SEPTIN3: variants seen among roughly 807,000 people sequenced by gnomAD.
SEPTIN3 encodes septin 3, also known as neuronal-specific septin-3.
In SEPTIN3, 15 loss-of-function variants were observed where a neutral mutation model predicts 45.1. That is an observed-to-expected ratio of 0.33 (90% confidence interval 0.22 to 0.51). The LOEUF (loss-of-function observed/expected upper bound fraction) is 0.51, where lower values mean the gene tolerates loss of function less well. SEPTIN3 is among the 20% of genes least tolerant of loss of function. SEPTIN3 has a pLI of 0.97. For missense variants in SEPTIN3, 289 were observed against 457.2 expected, an observed-to-expected ratio of 0.63 and a Z score of 3.35; for synonymous variants, 148 against 164.8, an observed-to-expected ratio of 0.90 and a Z score of 0.78.
At chr22:41,989,486 G>GT in intron 6 of SEPTIN3, 81 bp from the exon 7 acceptor site, 1 of 892,594 alleles carries the variant, frequency 1.1e-6, no homozygotes, top group Non-Finnish European at 1.9e-6. Flanking sequence ...CTCTTCTCCT[G>GT]TGGGTGTCCT....
Position 41,994,376 on chromosome 22 carries a change from G to A in SEPTIN3, c.2411+35G>A. 7 of 1,609,998 alleles carry A rather than the reference G, an allele frequency of 4.3e-6. No individual in the cohort carries two copies. Among genetic ancestry groups the A allele is most frequent in the Non-Finnish European group, 5.9e-6 (7 of 1,176,632 alleles). ...CTCCCCTCCAGCTGTCCAGACAGCA[G>A]GTTGAATTATTTGGGGTCAGGGTCT... is the stretch of plus-strand genomic sequence containing the variant. On this transcript the variant is annotated intron_variant, in intron 10 of 11. Coordinates refer to ENST00000644076, the MANE Select transcript of SEPTIN3 (RefSeq NM_001363845.2). The surrounding 1 kb of genome is among the most constrained non-coding windows in gnomAD (Gnocchi z 4.2).
rs2077972877 is a variant in SEPTIN3, at chr22:41,972,844, C to T, written c.1352C>T (p.Thr451Ile). ...VTPDPATGKT[T>I]LGSVNNLTIS... ...CCAGACCCAGCCACTGGGAAGACCACACTGGGCAGTGTTAATAACCTAACC... is the reference window on the plus strand; with the variant it reads ...CCAGACCCAGCCACTGGGAAGACCATACTGGGCAGTGTTAATAACCTAACC... Residue 451 changes from threonine (T) to isoleucine (I), a missense_variant, in exon 2 of 12, where the codon ACA becomes ATA. By Grantham distance (89) the Thr-to-Ile change is moderately conservative. This residue lies in a region of SEPTIN3 where 200 missense variants were observed against 315.1 expected (regional missense o/e 0.63). Coordinates refer to ENST00000644076, the MANE Select transcript of SEPTIN3 (RefSeq NM_001363845.2). 1 of 399,232 alleles carries T rather than the reference C, an allele frequency of 2.5e-6. No homozygotes were observed. Among genetic ancestry groups the T allele is most frequent in the Admixed American group, 4.4e-5 (1 of 22,738 alleles). 24.7% of individuals were successfully genotyped at this position (399,232 alleles called of 1,614,324 possible).
At chr22:41,971,071 A>G (rs1222287559) in intron 1 of SEPTIN3, among the ~76,000 whole-genome samples, 1 of 152,138 alleles carries the variant, frequency 6.6e-6, no homozygotes, top group Non-Finnish European at 1.5e-5. Flanking sequence ...AGACGTCTCC[A>G]GTAAGCACTG....
Position 41,972,201 on chromosome 22 carries a change from G to T in SEPTIN3, c.709G>T (p.Ala237Ser), listed in dbSNP as rs1471239385. Residue 237 changes from alanine to serine, a missense_variant, in exon 2 of 12, where the codon GCC (alanine) becomes TCC (serine). Physicochemically the swap from Ala to Ser is moderately conservative, Grantham distance 99. Transcript: ENST00000644076. ...RASPGKGKPR[A>S]RGIPRPRGRL... is the part of the protein sequence containing the mutation. ...TTCTCCAGGAAAAGGCAAGCCCCGG[G>T]CCAGGGGGATCCCCAGACCCCGGGG... The T allele has an allele frequency of 2.5e-6, 1 of 399,026 alleles. No homozygotes were observed. The highest frequency in any genetic ancestry group is 2.1e-5 in the African/African-American group (1 of 48,634). 24.7% of individuals were successfully genotyped at this position (399,026 alleles called of 1,614,324 possible). A position where few individuals can be genotyped will look rare whatever the true frequency, so the allele number is the denominator to read the frequency against.
At chr22:41,985,756 A>C in intron 3 of SEPTIN3, 2 of 382,144 alleles carry the variant, frequency 5.2e-6, no homozygotes, top group Non-Finnish European at 9.6e-6. Flanking sequence ...GGCTCTGGGA[A>C]GGAGAGAATA....
intron 7 of SEPTIN3, among the ~76,000 whole-genome samples, chr22:41,990,274 T>C (rs2078284916): frequency 6.6e-6 from 1 of 151,500 alleles, no homozygotes; most frequent in East Asian, 2.0e-4. Context: ...TCGGCTAGTC[T>C]TGATCTCCTG....
chr22:41,995,583 A>G (rs2078419139), intron 11 of SEPTIN3: 13 of 985,278 alleles, frequency 1.3e-5, no homozygotes, highest in African/African-American at 7.0e-5. Flanking sequence ...TTTTAGATGA[A>G]TCTACTTTAG....
intron 7 of SEPTIN3, among the ~76,000 whole-genome samples, chr22:41,990,672 A>T (rs540163632): frequency 1.4e-5 from 2 of 143,934 alleles, no homozygotes; most frequent in Non-Finnish European, 3.0e-5. Context: ...CATGAACCCG[A>T]GAGGCGGCGC....
chr22:41,973,589 C>T (rs998069653), intron 2 of SEPTIN3, among the ~76,000 whole-genome samples: 69 of 151,236 alleles, frequency 4.6e-4, no homozygotes, highest in African/African-American at 1.5e-3. Flanking sequence ...AGGAGAATGG[C>T]GTGAACCCGG....
In SEPTIN3 at chr22:41,972,876, G is replaced by T; in HGVS notation, c.1384G>T (p.Asp462Tyr). The change falls in exon 2 of 12, where the codon GAC becomes TAC. Residue 462 changes from aspartate to tyrosine, a missense_variant. Asp to Tyr is a radical substitution (Grantham distance 160). Transcript: ENST00000644076. The stretch of plus-strand genomic sequence containing the variant: ...CAGTGTTAATAACCTAACCATATCA[G>T]ACGTTGCTACATGCCTGCTAATGCC... ...LGSVNNLTISDVATCLLMPSR... is the reference protein window; with the variant it reads ...LGSVNNLTISYVATCLLMPSR... The T allele has an allele frequency of 2.5e-6, 1 of 399,232 alleles. No individual in the cohort carries two copies. Among genetic ancestry groups the T allele is most frequent in the South Asian group, 1.3e-4 (1 of 7,856 alleles). The allele number at this position is 399,232 out of a possible 1,614,324, so 24.7% of individuals were successfully genotyped here. A position where few individuals can be genotyped will look rare whatever the true frequency, so the allele number is the denominator to read the frequency against.
At position 41,985,980 on chromosome 22, in the gene SEPTIN3, G is replaced by A. The variant is rs2078200513; in HGVS notation, c.1697-4G>A. On this transcript the variant is annotated splice_polypyrimidine_tract_variant and splice_region_variant and intron_variant, in intron 3 of 11. Transcript: ENST00000644076. The stretch of plus-strand genomic sequence containing the variant: ...CCCTACCTCCTCCTCCTGCTTTGCT[G>A]TAGGCCAGAGTGGACTGGGCAAATC... 5.0e-6 allele frequency: 8 copies of A among 1,604,706 alleles called. No homozygotes were observed. The highest frequency in any genetic ancestry group is 6.8e-6 in the Non-Finnish European group (8 of 1,175,408).
intron 2 of SEPTIN3, among the ~76,000 whole-genome samples, chr22:41,980,551 G>T (rs1344938475): frequency 1.3e-5 from 2 of 152,144 alleles, no homozygotes; most frequent in Non-Finnish European, 2.9e-5. Context: ...GTCTTCCCAA[G>T]TCCACAAAGC....
At position 41,994,421 on chromosome 22, in the gene SEPTIN3, C is replaced by T; in HGVS notation, c.2411+80C>T. 2 of 1,525,992 alleles carry T rather than the reference C, an allele frequency of 1.3e-6. No homozygotes were observed. The highest frequency in any genetic ancestry group is 1.1e-5 in the South Asian group (1 of 88,884). 94.5% of individuals were successfully genotyped at this position (1,525,992 alleles called of 1,614,324 possible). A position where few individuals can be genotyped will look rare whatever the true frequency, so the allele number is the denominator to read the frequency against. ...GGGTCTATCTGTTCAGATTCACCTC[C>T]TGCATCTCCAGGTCTCTCTGACAGA... is the stretch of plus-strand genomic sequence containing the variant. On this transcript the variant is annotated intron_variant, in intron 10 of 11. Transcript: ENST00000644076. This position sits in a 1 kb window ranked among gnomAD's most constrained non-coding sequence, Gnocchi z 4.2.
At position 41,972,134 on chromosome 22, in the gene SEPTIN3, G is replaced by A. The variant is rs1383433039; in HGVS notation, c.642G>A (p.Gln214=). ...TTGCAGAGCCAGGCTCGTTGGGCCA[G>A]GGGCACCTTGTCTCAGTGACTGACC... The part of the protein sequence containing the change: ...PVLAEPGSLG[Q]GHLVSVTDHM... The change falls in exon 2 of 12, where the codon CAG becomes CAA. Residue 214 remains glutamine, a synonymous_variant. Transcript: ENST00000644076. 3 of 399,048 alleles carry A rather than the reference G, an allele frequency of 7.5e-6. No individual in the cohort carries two copies. Among genetic ancestry groups the A allele is most frequent in the Non-Finnish European group, 1.3e-5 (3 of 226,158 alleles). The allele number at this position is 399,048 out of a possible 1,614,324, so 24.7% of individuals were successfully genotyped here. A position where few individuals can be genotyped will look rare whatever the true frequency, so the allele number is the denominator to read the frequency against.
At position 41,981,850 on chromosome 22, in the gene SEPTIN3, T is replaced by C; in HGVS notation, c.1696+14T>C. On this transcript the variant is annotated intron_variant, in intron 3 of 11. Transcript: ENST00000644076. Reference sequence around the variant, plus strand: ...TCATGGTCGTTGGTACGGAAGGCTGTGGGGCTGCTGCAGGCCTGGTGGCGG... The same window carrying C: ...TCATGGTCGTTGGTACGGAAGGCTGCGGGGCTGCTGCAGGCCTGGTGGCGG... 1 of 1,610,130 alleles carries C rather than the reference T, an allele frequency of 6.2e-7. No individual in the cohort carries two copies. Among genetic ancestry groups the C allele is most frequent in the Non-Finnish European group, 8.5e-7 (1 of 1,177,342 alleles).
At chr22:41,991,806 G>A in intron 8 of SEPTIN3, 138 bp downstream of exon 8, 1 of 690,990 alleles carries the variant, frequency 1.4e-6, no homozygotes, top group Non-Finnish European at 2.6e-6. Flanking sequence ...AGTGACATAG[G>A]GGGATGGGGA....
At position 41,985,995 on chromosome 22, in the gene SEPTIN3, C is replaced by T. The variant is rs2078200944; in HGVS notation, c.1708C>T (p.Leu570=). 1.2e-6 allele frequency: 2 copies of T among 1,610,174 alleles called. No individual in the cohort carries two copies. Among genetic ancestry groups the T allele is most frequent in the Non-Finnish European group, 8.5e-7 (1 of 1,178,106 alleles). ...CTGCTTTGCTGTAGGCCAGAGTGGA[C>T]TGGGCAAATCAACGCTGGTCAACAC... The part of the protein sequence containing the change: ...FNIMVVGQSG[L]GKSTLVNTLF... Residue 570 remains leucine (L), a synonymous_variant, in exon 4 of 12, where the codon CTG becomes TTG. Transcript: ENST00000644076.
At chr22:41,990,475 G>A (rs1369969490) in intron 7 of SEPTIN3, among the ~76,000 whole-genome samples, 3 of 151,766 alleles carry the variant, frequency 2.0e-5, no homozygotes, top group African/African-American at 7.3e-5. Context: ...GTTGGGCGTG[G>A]TGGCTCATGC....
chr22:41,983,886 G>A (rs944405749), intron 3 of SEPTIN3, among the ~76,000 whole-genome samples: 7 of 152,162 alleles, frequency 4.6e-5, no homozygotes, highest in Non-Finnish European at 8.8e-5. Flanking sequence ...TTGAGGGTAA[G>A]GATCATGTTT....
Sources: gnomAD v4.1 joint callset for allele counts (sites outside exome capture counted in the v4.1 genomes callset) on GRCh38, gnomAD v4.1.1 for gene constraint, gnomAD v4.1.1 regional missense constraint, Gnocchi (gnomAD v3.1) non-coding constraint, MANE v1.5 for transcripts, NCBI Gene and HGNC (gene_info 2026-07-23, HGNC 2026-07-21) for gene names.